The following FAM222B variants were observed in gnomAD, a reference collection of about 807,000 sequenced individuals.
The protein encoded by FAM222B is family with sequence similarity 222 member B, also known as protein FAM222B.
Under a neutral mutation model 38.0 loss-of-function variants are expected in FAM222B, and 12 were observed. The ratio of observed to expected loss-of-function variants is 0.32; its 90% CI spans 0.20 to 0.51. FAM222B has a LOEUF of 0.51. FAM222B is among the 20% of genes least tolerant of loss of function. The probability of loss-of-function intolerance (pLI) is 0.97; values close to 1 mark genes in which losing one functional copy is unlikely to be tolerated. For missense variants in FAM222B, 716 were observed against 754.2 expected (o/e 0.95, Z 0.59); for synonymous variants, 329 against 317.2 (o/e 1.04, Z -0.40).
intron 1 of FAM222B, among the ~76,000 whole-genome samples, chr17:28,791,332 TA>T (rs1156829672): frequency 5.3e-5 from 8 of 152,142 alleles, no homozygotes; most frequent in African/African-American, 1.9e-4. Context: ...AAGACATCTC[TA>T]AATTGGTGAG....
intron 1 of FAM222B, among the ~76,000 whole-genome samples, chr17:28,808,317 A>C (rs1235747040): frequency 1.3e-5 from 2 of 152,198 alleles, no homozygotes; most frequent in Non-Finnish European, 2.9e-5. Context: ...CCAAAAGCTA[A>C]ATTGTCCTGG....
chr17:28,793,723 A>G (rs1039883207), intron 1 of FAM222B, among the ~76,000 whole-genome samples: 5 of 151,086 alleles, frequency 3.3e-5, no homozygotes, highest in African/African-American at 9.8e-5. Context: ...GCATTGTCAT[A>G]TTCTGCCATA....
At chr17:28,832,125 G>A (rs1471131615) in intron 1 of FAM222B, among the ~76,000 whole-genome samples, 1 of 152,096 alleles carries the variant, frequency 6.6e-6, no homozygotes, top group African/African-American at 2.4e-5. Flanking sequence ...GGGAGGCGGA[G>A]CTTGCCGTGA....
intron 1 of FAM222B, among the ~76,000 whole-genome samples, chr17:28,812,006 TAA>T (rs2151927188): frequency 6.6e-6 from 1 of 152,110 alleles, no homozygotes; most frequent in African/African-American, 2.4e-5. Context: ...GACACATCAG[TAA>T]AAAGAGATAA....
upstream of FAM222B, chr17:28,842,872 G>C (rs9890212): frequency 0.2 from 30,102 of 152,436 alleles, 3,080 homozygotes; most frequent in South Asian, 0.3. Flanking sequence ...CCCCTGCCGG[G>C]GGCGTCTTCC....
rs560814784 is a variant in FAM222B at position 28,837,564 on chromosome 17, A to G, written c.-41+5118T>C. On this transcript the variant is annotated intron_variant, in intron 1 of 2. Transcript: ENST00000581407. Reference sequence around the variant, plus strand: ...TTGTTAAATTGTAGTCCTTTTCACTATAAGTCACAGAGCTTTGACAGGGAA... The same window carrying G: ...TTGTTAAATTGTAGTCCTTTTCACTGTAAGTCACAGAGCTTTGACAGGGAA... Among the ~76,000 whole-genome samples, 297 of 152,224 alleles carry G rather than the reference A, an allele frequency of 2.0e-3. 1 individual carries two copies. Among genetic ancestry groups the G allele is most frequent in the African/African-American group, 6.8e-3 (284 of 41,576 alleles).
chr17:28,832,146 C>T (rs889184842), intron 1 of FAM222B, among the ~76,000 whole-genome samples: 10 of 151,934 alleles, frequency 6.6e-5, no homozygotes, highest in African/African-American at 1.9e-4. Context: ...GCCGAGATCG[C>T]GCCACTGCAC....
At chr17:28,828,695 T>C (rs969280964) in intron 1 of FAM222B, among the ~76,000 whole-genome samples, 2 of 152,194 alleles carry the variant, frequency 1.3e-5, no homozygotes, top group African/African-American at 4.8e-5. Context: ...AAGCTAAAAA[T>C]TCAAATGTAT....
intron 1 of FAM222B, among the ~76,000 whole-genome samples, chr17:28,841,032 C>A (rs900111808): frequency 3.3e-5 from 5 of 152,132 alleles, no homozygotes; most frequent in Non-Finnish European, 7.3e-5. Flanking sequence ...CGGTGGCTCA[C>A]GCCTGTAATC....
chr17:28,793,841 G>A (rs1220417427), intron 1 of FAM222B, among the ~76,000 whole-genome samples: 1 of 151,614 alleles, frequency 6.6e-6, no homozygotes, highest in Non-Finnish European at 1.5e-5. Flanking sequence ...CACCTCCTGG[G>A]TTCAAGCAAT....
chr17:28,845,626 T>C (rs2039140550), upstream of FAM222B, among the ~76,000 whole-genome samples: 2 of 151,082 alleles, frequency 1.3e-5, no homozygotes, highest in South Asian at 2.1e-4. Flanking sequence ...CCAGGCACAG[T>C]GGGTCACACC....
intron 1 of FAM222B, among the ~76,000 whole-genome samples, chr17:28,768,569 G>C (rs564363988): frequency 3.0e-4 from 46 of 152,190 alleles, no homozygotes; most frequent in African/African-American, 8.7e-4. Flanking sequence ...GGGCACGGTG[G>C]CTCACACCTG....
intron 1 of FAM222B, among the ~76,000 whole-genome samples, chr17:28,805,637 T>G (rs1328106029): frequency 6.6e-6 from 1 of 150,878 alleles, no homozygotes; most frequent in Non-Finnish European, 1.5e-5. Flanking sequence ...GATGACACAG[T>G]GAGAACCTGT....
At chr17:28,811,932 C>T (rs965424486) in intron 1 of FAM222B, among the ~76,000 whole-genome samples, 1 of 152,052 alleles carries the variant, frequency 6.6e-6, no homozygotes, top group Non-Finnish European at 1.5e-5. Context: ...TTTACTGCAT[C>T]AGATACCACA....
intron 1 of FAM222B, among the ~76,000 whole-genome samples, chr17:28,784,810 C>T (rs1008220649): frequency 1.3e-5 from 2 of 152,140 alleles, no homozygotes; most frequent in East Asian, 1.9e-4. Flanking sequence ...TATCCAATGG[C>T]GTGAAACACG....
At chr17:28,809,859 T>G (rs1408275326) in intron 1 of FAM222B, among the ~76,000 whole-genome samples, 1 of 152,104 alleles carries the variant, frequency 6.6e-6, no homozygotes, top group Non-Finnish European at 1.5e-5. Context: ...GAGTGAAGTA[T>G]AACTTTATAA....
intron 1 of FAM222B, among the ~76,000 whole-genome samples, chr17:28,817,745 T>C (rs1364817798): frequency 1.3e-5 from 2 of 151,788 alleles, no homozygotes; most frequent in African/African-American, 2.4e-5. Context: ...ATAGGCAAAC[T>C]ACAACAGAGA....
At position 28,759,376 on chromosome 17, in the gene FAM222B, C is replaced by G. The variant is rs745753529; in HGVS notation, c.583G>C (p.Gly195Arg). 19 of 1,607,148 alleles carry G rather than the reference C, an allele frequency of 1.2e-5. No individual in the cohort carries two copies. In the South Asian group the frequency reaches 1.8e-4, roughly 15 times the overall value. The change falls in exon 3 of 3, where the codon GGC becomes CGC. Residue 195 changes from glycine (G) to arginine (R), a missense_variant. By Grantham distance (125) the Gly-to-Arg change is moderately radical. Coordinates refer to ENST00000581407, the MANE Select transcript of FAM222B (RefSeq NM_001077498.3). This position sits in a 1 kb window ranked among gnomAD's most constrained non-coding sequence, Gnocchi z 4.8. ...SHPQSLQQPQ[G>R]LGHPQPMAQT... The stretch of plus-strand genomic sequence containing the variant: ...GCCATGGGCTGAGGGTGGCCCAGGC[C>G]CTGAGGCTGCTGGAGGCTCTGAGGG...
intron 1 of FAM222B, among the ~76,000 whole-genome samples, chr17:28,784,914 C>T (rs1283723410): frequency 2.6e-5 from 4 of 151,568 alleles, no homozygotes; most frequent in African/African-American, 4.9e-5. Flanking sequence ...CCATGCCCAG[C>T]TATTTTTTTT....
Sources: gnomAD v4.1 joint callset for allele counts (sites outside exome capture counted in the v4.1 genomes callset) on GRCh38, gnomAD v4.1.1 for gene constraint, Gnocchi (gnomAD v3.1) non-coding constraint, MANE v1.5 for transcripts, NCBI Gene and HGNC (gene_info 2026-07-23, HGNC 2026-07-21) for gene names.